ZNF717: variants seen among roughly 807,000 people sequenced by gnomAD.
ZNF717 encodes krueppel-like factor X17.
Under a neutral mutation model 13.8 loss-of-function variants are expected in ZNF717, and 9 were observed. The observed-to-expected ratio is 0.65, with a 90% confidence interval of 0.39 to 1.14. The LOEUF (loss-of-function observed/expected upper bound fraction) is 1.14, where lower values mean the gene tolerates loss of function less well. Ranked by LOEUF, ZNF717 falls within the 50% of genes most tolerant of loss-of-function variation. The pLI, the probability that ZNF717 is intolerant of heterozygous loss-of-function variation, is 0.01. For synonymous variants in ZNF717, 327 were observed against 364.1 expected, an observed-to-expected ratio of 0.90 and a Z score of 1.16; for missense variants, 1,040 against 1,080.7, an observed-to-expected ratio of 0.96 and a Z score of 0.53.
chr3:75,783,863 C>T (rs78735902), intron 1 of ZNF717, among the ~76,000 whole-genome samples: 1 of 152,094 alleles, frequency 6.6e-6, no homozygotes, highest in Non-Finnish European at 1.5e-5. Context: ...CCTACAATTA[C>T]TTTTTTTTAA....
exon 6 of ZNF717, chr3:75,709,646 T>C (rs1211056772): frequency 2.6e-5 from 4 of 152,232 alleles, no homozygotes; most frequent in Non-Finnish European, 4.4e-5. Context: ...TTTTTTTGTA[T>C]AACGTTGTCA....
chr3:75,702,953 C>A (rs1937725396), intron 6 of ZNF717, among the ~76,000 whole-genome samples: 1 of 152,420 alleles, frequency 6.6e-6, no homozygotes, highest in South Asian at 2.1e-4. Flanking sequence ...GATTTTTAAT[C>A]CTAAGCCATA....
intron 2 of ZNF717, among the ~76,000 whole-genome samples, chr3:75,763,391 T>C (rs1302778732): frequency 7.1e-6 from 1 of 141,364 alleles, no homozygotes; most frequent in African/African-American, 2.5e-5. Context: ...GCATTTCCTT[T>C]GAGTGTCATG....
At position 75,739,082 on chromosome 3, in the gene ZNF717, G is replaced by A. The variant is rs1362355129; in HGVS notation, c.541C>T (p.His181Tyr). ...GATCTCCTGGTTATATCACAGACAT[G>A]AGGTTTCTCTCCAGACTGTGTCTCC... ...PGETQSGEKP[H>Y]VCDITRRSHR... The change falls in exon 5 of 5, where the codon CAT (histidine) becomes TAT (tyrosine). Residue 181 changes from histidine (H) to tyrosine (Y), a missense_variant. His to Tyr is a moderately conservative substitution (Grantham distance 83). Around this residue, in one of 3 missense-constraint regions of ZNF717, gnomAD observed 873 missense variants for 832.8 expected, o/e 1.05. Transcript: ENST00000652011. 6.4e-7 allele frequency: 1 copy of A among 1,551,580 alleles called. No individual in the cohort carries two copies. The highest frequency in any genetic ancestry group is 1.4e-5 in the African/African-American group (1 of 73,176).
chr3:75,708,045 G>T (rs1575714397), downstream of ZNF717, among the ~76,000 whole-genome samples: 1 of 152,232 alleles, frequency 6.6e-6, no homozygotes, highest in Admixed American at 6.5e-5. Context: ...CAAACAAAAA[G>T]ACAGCAGTAA....
At chr3:75,774,597 T>C (rs1944159140) in intron 2 of ZNF717, among the ~76,000 whole-genome samples, 1 of 150,244 alleles carries the variant, frequency 6.7e-6, no homozygotes, top group Non-Finnish European at 1.5e-5. Flanking sequence ...ATAGAATTTC[T>C]AAAATTCTTG....
chr3:75,733,727 T>C (rs77344308), downstream of ZNF717, among the ~76,000 whole-genome samples: 1 of 123,470 alleles, frequency 8.1e-6, no homozygotes, highest in Non-Finnish European at 1.6e-5. Flanking sequence ...TGCAGTGAGC[T>C]GAGATCACAC....
intron 2 of ZNF717, among the ~76,000 whole-genome samples, chr3:75,761,296 T>G (rs1404988842): frequency 6.6e-6 from 1 of 152,272 alleles, no homozygotes. Flanking sequence ...TTCTATCAGG[T>G]CAACATTTAT....
chr3:75,778,424 A>C (rs1233089182), intron 2 of ZNF717, among the ~76,000 whole-genome samples: 1 of 152,038 alleles, frequency 6.6e-6, no homozygotes, highest in Non-Finnish European at 1.5e-5. Context: ...GATGTGCTAA[A>C]ACCGGAACCC....
intron 4 of ZNF717, among the ~76,000 whole-genome samples, chr3:75,721,385 G>T (rs1466503839): frequency 7.2e-5 from 11 of 152,302 alleles, no homozygotes; most frequent in Middle Eastern, 3.4e-3. Flanking sequence ...ACATTCAAGT[G>T]CTTCTCCTGT....
intron 2 of ZNF717, among the ~76,000 whole-genome samples, chr3:75,758,112 CA>C (rs111361124): frequency 0.053 from 3,387 of 63,588 alleles, 50 homozygotes; most frequent in African/African-American, 0.12. Flanking sequence ...GACTCCATCT[CA>C]AAAAAAAAAA....
chr3:75,781,978 C>T (rs1944858296), intron 2 of ZNF717, among the ~76,000 whole-genome samples: 1 of 152,044 alleles, frequency 6.6e-6, no homozygotes, highest in Non-Finnish European at 1.5e-5. Context: ...CTCTCTAAAC[C>T]AAAGTATAAA....
chr3:75,704,978 G>GATC (rs1356147901), downstream of ZNF717, among the ~76,000 whole-genome samples: 1 of 152,418 alleles, frequency 6.6e-6, no homozygotes, highest in African/African-American at 2.4e-5. Flanking sequence ...AGCCCTACAT[G>GATC]ATAAGATCAG....
intron 2 of ZNF717, chr3:75,741,986 GT>G: frequency 2.0e-6 from 1 of 493,670 alleles, no homozygotes. Flanking sequence ...TACATAAGAT[GT>G]AGTTTGTTTT....
At chr3:75,695,565 G>A (rs1575756114) in intron 6 of ZNF717, among the ~76,000 whole-genome samples, 1 of 152,304 alleles carries the variant, frequency 6.6e-6, no homozygotes, top group African/African-American at 2.4e-5. Context: ...CTCAAGGATA[G>A]ACCATATGTT....
chr3:75,741,949 T>C, intron 2 of ZNF717: 1 of 597,966 alleles, frequency 1.7e-6, no homozygotes, highest in Middle Eastern at 2.6e-4. Context: ...ATTCACTCTT[T>C]GGTGTGTCCA....
chr3:75,774,146 T>C (rs1469831969), intron 2 of ZNF717, among the ~76,000 whole-genome samples: 1 of 150,942 alleles, frequency 6.6e-6, no homozygotes, highest in East Asian at 1.9e-4. Flanking sequence ...TCAGGTAATA[T>C]TAAAAAATAA....
chr3:75,782,308 A>G (rs897327801), intron 2 of ZNF717, among the ~76,000 whole-genome samples: 3 of 152,268 alleles, frequency 2.0e-5, no homozygotes, highest in Non-Finnish European at 4.4e-5. Context: ...CCCTGCATGT[A>G]GAGATAAACT....
At chr3:75,779,905 C>G (rs1944673816) in intron 2 of ZNF717, among the ~76,000 whole-genome samples, 1 of 150,282 alleles carries the variant, frequency 6.7e-6, no homozygotes, top group African/African-American at 2.5e-5. Flanking sequence ...ACCAGAAACC[C>G]AAAACAACGG....
Sources: gnomAD v4.1 joint callset for allele counts (sites outside exome capture counted in the v4.1 genomes callset) on GRCh38, gnomAD v4.1.1 for gene constraint, gnomAD v4.1.1 regional missense constraint, MANE v1.5 for transcripts, NCBI Gene and HGNC (gene_info 2026-07-23, HGNC 2026-07-21) for gene names.